TMEM161A: variants seen among roughly 807,000 people sequenced by gnomAD.
TMEM161A encodes the protein transmembrane protein 161A.
A neutral mutation model predicts 57.1 loss-of-function variants in TMEM161A; 46 were observed. The observed-to-expected ratio is 0.81, with a 90% confidence interval of 0.64 to 1.03. TMEM161A has a LOEUF of 1.03. Among genes scored for constraint, TMEM161A ranks in the 50% least tolerant of loss-of-function variants. The pLI is 0.00. For missense variants in TMEM161A, 601 were observed against 621.5 expected, an observed-to-expected ratio of 0.97 and a Z score of 0.35; for synonymous variants, 288 against 279.0, an observed-to-expected ratio of 1.03 and a Z score of -0.32.
chr19:19,130,199 C>T lies in TMEM161A; in HGVS notation c.552G>A (p.Val184=). The T allele has an allele frequency of 6.2e-7, 1 of 1,613,906 alleles. No homozygotes were observed. Among genetic ancestry groups the T allele is most frequent in the Non-Finnish European group, 8.5e-7 (1 of 1,180,040 alleles). ...AFLFLLLAML[V]QVVREETLEL... ...CGAGGGTCTCCTCCCGCACCACTTG[C>T]ACCAGCATGGCCAGCAGCAGGAAGA... Residue 184 remains valine (V), a synonymous_variant, in exon 6 of 12, where the codon GTG becomes GTA. Coordinates refer to ENST00000162044, the MANE Select transcript of TMEM161A (RefSeq NM_017814.3).
chr19:19,137,682 G>A (rs780110527), intron 1 of TMEM161A, among the ~76,000 whole-genome samples: 8 of 152,086 alleles, frequency 5.3e-5, no homozygotes, highest in Non-Finnish European at 1.2e-4. Context: ...CTTCCTTCAG[G>A]GCCATCTCCA....
rs544384443 is a variant in TMEM161A, at chr19:19,127,403, G to A, written c.595+2753C>T. Among the ~76,000 whole-genome samples, 18 of 143,442 alleles carry A rather than the reference G, an allele frequency of 1.3e-4. 1 individual carries two copies. In the South Asian group the frequency reaches 3.7e-3, roughly 29 times the overall value. The allele number at this position is 143,442 out of a possible 152,430, so 94.1% of individuals were successfully genotyped here. On this transcript the variant is annotated intron_variant, in intron 6 of 11. Transcript: ENST00000162044. The stretch of plus-strand genomic sequence containing the variant: ...GGCACTATCTAAGCTCACTGCAAGC[G>A]CCGCCTCCTGGGTTCACACCATTCT...
intron 2 of TMEM161A, among the ~76,000 whole-genome samples, chr19:19,133,847 G>A (rs993713688): frequency 1.3e-5 from 2 of 152,098 alleles, no homozygotes; most frequent in African/African-American, 4.8e-5. Context: ...TCAGCTCACT[G>A]CAGATTTGAC....
At position 19,121,550 on chromosome 19, in the gene TMEM161A, T is replaced by C; in HGVS notation, c.775A>G (p.Met259Val). The C allele has an allele frequency of 6.2e-7, 1 of 1,613,808 alleles. No individual in the cohort carries two copies. Among genetic ancestry groups the C allele is most frequent in the Non-Finnish European group, 8.5e-7 (1 of 1,179,944 alleles). Residue 259 changes from methionine (M) to valine (V), a missense_variant, in exon 8 of 12, where the codon ATG becomes GTG. Transcript: ENST00000162044. The surrounding 1 kb of genome is among the most constrained non-coding windows in gnomAD (Gnocchi z 5.8). ...TGCAGCATGGGTCTGTCCTCCGACA[T>C]GGTCAGTGCGTCCCGGTGGGTCTGG... Reference protein sequence around the residue: ...LAQTHRDALTMSEDRPMLQFL... With the variant: ...LAQTHRDALTVSEDRPMLQFL...
chr19:19,131,687 G>A (rs763275842), intron 5 of TMEM161A, among the ~76,000 whole-genome samples: 7 of 151,942 alleles, frequency 4.6e-5, no homozygotes, highest in South Asian at 4.1e-4. Flanking sequence ...CACCACCCCC[G>A]GCTAATTTTT....
At chr19:19,124,784 G>A (rs1320002408) in intron 6 of TMEM161A, among the ~76,000 whole-genome samples, 2 of 151,878 alleles carry the variant, frequency 1.3e-5, no homozygotes, top group Non-Finnish European at 2.9e-5. Context: ...GTAAAACCCC[G>A]TCTCTACTAA....
At chr19:19,137,181 C>T (rs2059988654) in intron 1 of TMEM161A, among the ~76,000 whole-genome samples, 2 of 152,134 alleles carry the variant, frequency 1.3e-5, no homozygotes, top group African/African-American at 4.8e-5. Context: ...CACAGTCAGC[C>T]CCCAACTTGG....
chr19:19,132,590 C>A lies in TMEM161A; in HGVS notation c.286+67G>T. On this transcript the variant is annotated intron_variant, in intron 4 of 11. Transcript: ENST00000162044. The surrounding 1 kb of genome is among the most constrained non-coding windows in gnomAD (Gnocchi z 4.3). ...CATTCTTCCTTCAAATCCTCCCCACCCCCATGAGGGTGTGGAGACCTTCAG... is the reference window on the plus strand; with the variant it reads ...CATTCTTCCTTCAAATCCTCCCCACACCCATGAGGGTGTGGAGACCTTCAG... 2 of 1,572,130 alleles carry A rather than the reference C, an allele frequency of 1.3e-6. No individual in the cohort carries two copies. The highest frequency in any genetic ancestry group is 1.2e-5 in the South Asian group (1 of 83,514).
chr19:19,120,355 C>T (rs1300973532), intron 11 of TMEM161A, among the ~76,000 whole-genome samples, 172 bp from the exon 12 acceptor site: 1 of 151,878 alleles, frequency 6.6e-6, no homozygotes, highest in Non-Finnish European at 1.5e-5. Flanking sequence ...CCAAGGCAAA[C>T]CCTACCCCAG....
chr19:19,124,988 T>C (rs1037403958), intron 6 of TMEM161A, among the ~76,000 whole-genome samples: 2 of 150,742 alleles, frequency 1.3e-5, no homozygotes, highest in South Asian at 4.2e-4. Flanking sequence ...AAAACTTAGG[T>C]GAACAAAAGT....
At chr19:19,120,726 A>G (rs1289402425) in intron 11 of TMEM161A, 39 bp downstream of exon 11, 4 of 1,590,536 alleles carry the variant, frequency 2.5e-6, no homozygotes, top group East Asian at 2.2e-5. Flanking sequence ...TTATCTTCCA[A>G]CTCCGCCCCT....
rs780103141 is a variant in TMEM161A, at chr19:19,133,212, T to C, written c.108-2A>G. 6 of 1,613,868 alleles carry C rather than the reference T, an allele frequency of 3.7e-6. No homozygotes were observed. The highest frequency in any genetic ancestry group is 5.1e-6 in the Non-Finnish European group (6 of 1,179,948). On this transcript the variant is annotated splice_acceptor_variant, in intron 2 of 11. Transcript: ENST00000162044. LOFTEE classifies it high-confidence loss of function. Reference sequence around the variant, plus strand: ...GACGGGTGCTTGTATCGGAACAAACTGAGAGCAAGGACGGGCAGTCAGGGA... The same window carrying C: ...GACGGGTGCTTGTATCGGAACAAACCGAGAGCAAGGACGGGCAGTCAGGGA...
Position 19,119,710 on chromosome 19 carries a change from G to A in TMEM161A, c.*220C>T. 1.7e-6 allele frequency: 1 copy of A among 595,586 alleles called. No homozygotes were observed. The highest frequency in any genetic ancestry group is 3.0e-6 in the Non-Finnish European group (1 of 338,912). The allele number at this position is 595,586 out of a possible 1,614,324, so 36.9% of individuals were successfully genotyped here. On this transcript the variant is annotated 3_prime_UTR_variant, in exon 12 of 12. Coordinates refer to ENST00000162044, the MANE Select transcript of TMEM161A (RefSeq NM_017814.3). ...CTGGCACATACGCTTCGGAGACAATGGCCTCGGGACCCTCATGCTGCTGGG... is the reference window on the plus strand; with the variant it reads ...CTGGCACATACGCTTCGGAGACAATAGCCTCGGGACCCTCATGCTGCTGGG...
At position 19,121,592 on chromosome 19, in the gene TMEM161A, G is replaced by C. The variant is rs1599703259; in HGVS notation, c.733C>G (p.Pro245Ala). 7.4e-6 allele frequency: 12 copies of C among 1,613,972 alleles called. No individual in the cohort carries two copies. The East Asian group carries it at 2.5e-4, about 33-fold the overall frequency. ...GSVLGAFLTFPGLRLAQTHRD... is the reference protein window; with the variant it reads ...GSVLGAFLTFAGLRLAQTHRD... ...TGGGTCTGGGCCAGCCGCAGGCCTGGGAAGGTGAGGAAGGCACCCAGCACA... is the reference window on the plus strand; with the variant it reads ...TGGGTCTGGGCCAGCCGCAGGCCTGCGAAGGTGAGGAAGGCACCCAGCACA... The change falls in exon 8 of 12, where the codon CCA becomes GCA. Residue 245 changes from proline (P) to alanine (A), a missense_variant. Transcript: ENST00000162044. The surrounding 1 kb of genome is among the most constrained non-coding windows in gnomAD (Gnocchi z 5.8).
At chr19:19,130,348 C>T (rs1191830038) in intron 5 of TMEM161A, 41 bp from the exon 6 acceptor site, 4 of 1,607,482 alleles carry the variant, frequency 2.5e-6, no homozygotes, top group South Asian at 2.2e-5. Flanking sequence ...GCCACTGCCC[C>T]ACTCTGCCCA....
Position 19,130,243 on chromosome 19 carries a change from A to G in TMEM161A, c.508T>C (p.Cys170Arg), listed in dbSNP as rs1305613027. 5 of 1,613,862 alleles carry G rather than the reference A, an allele frequency of 3.1e-6. No homozygotes were observed. Among genetic ancestry groups the G allele is most frequent in the Non-Finnish European group, 4.2e-6 (5 of 1,180,036 alleles). The change falls in exon 6 of 12, where the codon TGC (cysteine) becomes CGC (arginine). Residue 170 changes from cysteine to arginine, a missense_variant. Cys to Arg is a radical substitution (Grantham distance 180). Transcript: ENST00000162044. ...AGGAAGAGGAAGGCAAAGGTGAGGC[A>G]GACAGAGCGCTCACCCCCCTCCTCG... Reference protein sequence around the residue: ...SAEEGGERSVCLTFAFLFLLL... With the variant: ...SAEEGGERSVRLTFAFLFLLL...
chr19:19,127,754 A>AC (rs2059938086), intron 6 of TMEM161A, among the ~76,000 whole-genome samples: 1 of 145,586 alleles, frequency 6.9e-6, no homozygotes, highest in African/African-American at 2.5e-5. Context: ...GCATAGCAAG[A>AC]CCCCATCTCT....
At chr19:19,133,719 G>A (rs917757038) in intron 2 of TMEM161A, among the ~76,000 whole-genome samples, 1 of 152,050 alleles carries the variant, frequency 6.6e-6, no homozygotes. Context: ...TGATCCACCC[G>A]CCCCGGCCTC....
chr19:19,134,917 C>T (rs762866570), intron 1 of TMEM161A, 30 bp from the exon 2 acceptor site: 8 of 1,490,076 alleles, frequency 5.4e-6, no homozygotes, highest in Admixed American at 2.0e-5. Context: ...CTGGCAGCAC[C>T]TGCCAGAGGG....
Sources: allele counts gnomAD v4.1 joint callset (sites outside exome capture counted in the v4.1 genomes callset), GRCh38; gene constraint gnomAD v4.1.1; non-coding constraint Gnocchi (gnomAD v3.1); transcripts MANE v1.5; gene names NCBI Gene and HGNC (gene_info 2026-07-23, HGNC 2026-07-21).